Variants in UPF2 observed in about 807,000 individuals in gnomAD.
UPF2 encodes the protein UPF2 regulator of nonsense mediated mRNA decay.
Under a neutral mutation model 141.4 loss-of-function variants are expected in UPF2, and 17 were observed. The ratio of observed to expected loss-of-function variants is 0.12; its 90% CI spans 0.08 to 0.18. UPF2 has a LOEUF of 0.18. UPF2 is among the 10% of genes least tolerant of loss of function. The pLI is 1.00. For synonymous variants in UPF2, 540 were observed against 498.0 expected, an observed-to-expected ratio of 1.08 and a Z score of -1.12; for missense variants, 1,152 against 1,515.9, an observed-to-expected ratio of 0.76 and a Z score of 3.99.
rs553741079 is a variant in UPF2, at chr10:11,983,721, T to A, written c.1845-4556A>T. Among the ~76,000 whole-genome samples the A allele has an allele frequency of 4.0e-4, 61 of 152,096 alleles. No homozygotes were observed. The South Asian group carries it at 9.3e-3, about 23-fold the overall frequency. On this transcript the variant is annotated intron_variant, in intron 8 of 21. Coordinates refer to ENST00000357604, the MANE Select transcript of UPF2 (RefSeq NM_015542.4). The stretch of plus-strand genomic sequence containing the variant: ...ATGTATTAAATATGATTTGCTAGTG[T>A]TTTACTTGGAATTTTTTTATTGACA...
At chr10:11,972,530 C>G (rs1010402478) in intron 9 of UPF2, among the ~76,000 whole-genome samples, 2 of 152,302 alleles carry the variant, frequency 1.3e-5, no homozygotes, top group East Asian at 3.9e-4. Context: ...TATCCCTCCC[C>G]TCTCCCTCCA....
At chr10:11,927,947 C>G (rs1252974845) in intron 21 of UPF2, among the ~76,000 whole-genome samples, 1 of 152,094 alleles carries the variant, frequency 6.6e-6, no homozygotes, top group East Asian at 1.9e-4. Flanking sequence ...AGCCCCAGCA[C>G]ACTCCCCATC....
Position 11,935,769 on chromosome 10 carries a change from A to G in UPF2, c.3546+776T>C, listed in dbSNP as rs1441838861. 6.6e-6 allele frequency among the ~76,000 whole-genome samples: 1 copy of G among 152,222 alleles called. No individual in the cohort carries two copies. Among genetic ancestry groups the G allele is most frequent in the African/African-American group, 2.4e-5 (1 of 41,468 alleles). ...TCACTGTAGCCTCAGGACCTGAAAT[A>G]GAATAGTACCTGGCACGTAGTGATG... On this transcript the variant is annotated intron_variant, in intron 19 of 21. Transcript: ENST00000357604. The surrounding 1 kb of genome is among the most constrained non-coding windows in gnomAD (Gnocchi z 4.9).
intron 8 of UPF2, among the ~76,000 whole-genome samples, chr10:11,988,360 C>A (rs1030215232): frequency 6.6e-5 from 10 of 152,346 alleles, no homozygotes; most frequent in Admixed American, 5.2e-4. Context: ...GTCACCCAGG[C>A]TGGAGTGCAG....
At chr10:12,011,138 G>C (rs1834119728) in intron 4 of UPF2, among the ~76,000 whole-genome samples, 1 of 152,124 alleles carries the variant, frequency 6.6e-6, no homozygotes, top group African/African-American at 2.4e-5. Flanking sequence ...TGTGCCACAT[G>C]ACTGGCTAAA....
intron 9 of UPF2, among the ~76,000 whole-genome samples, chr10:11,977,661 AC>A (rs1833528670): frequency 6.6e-6 from 1 of 152,222 alleles, no homozygotes; most frequent in South Asian, 2.1e-4. Context: ...CCTTCTTTGT[AC>A]AATGGGATTA....
chr10:11,975,395 C>T (rs990639972), intron 9 of UPF2, among the ~76,000 whole-genome samples: 4 of 152,184 alleles, frequency 2.6e-5, no homozygotes, highest in Non-Finnish European at 4.4e-5. Flanking sequence ...CGTTAACATA[C>T]TGATATGTAA....
rs921631952 is a variant in UPF2, at chr10:11,998,751, G to A, written c.1759-994C>T. Among the ~76,000 whole-genome samples the A allele has an allele frequency of 3.9e-5, 6 of 152,130 alleles. No individual in the cohort carries two copies. Among genetic ancestry groups the A allele is most frequent in the Admixed American group, 3.9e-4 (6 of 15,274 alleles). On this transcript the variant is annotated intron_variant, in intron 7 of 21. Transcript: ENST00000357604. This position sits in a 1 kb window ranked among gnomAD's most constrained non-coding sequence, Gnocchi z 4.5. ...CACCTGTAGTCCCAGCTACTCGGGA[G>A]GCTGAGGCAGGAGAATGGCGTGAAC... is the stretch of plus-strand genomic sequence containing the variant.
At chr10:11,975,094 T>C (rs927746081) in intron 9 of UPF2, among the ~76,000 whole-genome samples, 1 of 152,184 alleles carries the variant, frequency 6.6e-6, no homozygotes, top group African/African-American at 2.4e-5. Flanking sequence ...TTGCTTATGT[T>C]AAATAAAAGT....
At position 11,989,114 on chromosome 10, in the gene UPF2, C is replaced by A. The variant is rs548106284; in HGVS notation, c.1844+8558G>T. Among the ~76,000 whole-genome samples the A allele has an allele frequency of 3.9e-4, 59 of 152,272 alleles. 1 individual carries two copies. Among genetic ancestry groups the A allele is most frequent in the African/African-American group, 1.3e-3 (56 of 41,554 alleles). ...ATACAGCCAACCAGGAAATGTCAACCTGGTCCAAGTCCCTCCCTATTACCT... is the reference window on the plus strand; with the variant it reads ...ATACAGCCAACCAGGAAATGTCAACATGGTCCAAGTCCCTCCCTATTACCT... On this transcript the variant is annotated intron_variant, in intron 8 of 21. Transcript: ENST00000357604.
At chr10:11,996,071 A>C (rs1833859613) in intron 8 of UPF2, among the ~76,000 whole-genome samples, 2 of 152,062 alleles carry the variant, frequency 1.3e-5, no homozygotes, top group Admixed American at 1.3e-4. Flanking sequence ...TTCCTCTCCA[A>C]AGTGTAAGCT....
chr10:11,961,675 G>A (rs575739490), intron 11 of UPF2, among the ~76,000 whole-genome samples: 3 of 152,234 alleles, frequency 2.0e-5, no homozygotes, highest in South Asian at 2.1e-4. Flanking sequence ...CAAGGAGGGC[G>A]GGGGCTGTAT....
At chr10:11,925,160 C>G (rs1832696043) in intron 21 of UPF2, among the ~76,000 whole-genome samples, 2 of 152,162 alleles carry the variant, frequency 1.3e-5, no homozygotes, top group Non-Finnish European at 2.9e-5. Flanking sequence ...ATCTGGTCCT[C>G]TAAAGGGTAA....
At chr10:12,022,413 AAAAAAAAAAAAG>A (rs1201904674) in intron 3 of UPF2, among the ~76,000 whole-genome samples, 3 of 110,956 alleles carry the variant, frequency 2.7e-5, no homozygotes, top group Non-Finnish European at 4.5e-5. Flanking sequence ...TCCGTCTCAA[AAAAAAAAAAAAG>A]AAAAAAATTA....
At chr10:12,024,480 T>C (rs1331700063) in intron 3 of UPF2, among the ~76,000 whole-genome samples, 2 of 151,810 alleles carry the variant, frequency 1.3e-5, no homozygotes, top group Admixed American at 6.6e-5. Flanking sequence ...TGTGGTGGCA[T>C]GTGCCTATAG....
chr10:12,007,381 T>G (rs898625929), intron 4 of UPF2, among the ~76,000 whole-genome samples: 6 of 152,172 alleles, frequency 3.9e-5, no homozygotes, highest in Non-Finnish European at 7.3e-5. Flanking sequence ...GCATAAATAT[T>G]TTGTGTATCT....
At chr10:11,950,909 A>G (rs1833065739) in intron 15 of UPF2, among the ~76,000 whole-genome samples, 1 of 152,240 alleles carries the variant, frequency 6.6e-6, no homozygotes, top group African/African-American at 2.4e-5. Flanking sequence ...CTTTACCATG[A>G]AAAGTGGTTC....
chr10:12,004,107 C>T (rs539851032), intron 5 of UPF2, among the ~76,000 whole-genome samples: 59 of 152,134 alleles, frequency 3.9e-4, no homozygotes, highest in East Asian at 1.4e-3. Flanking sequence ...ACTCTATTAA[C>T]GACCTAAAAG....
chr10:11,944,901 G>A (rs1229427821), intron 16 of UPF2, among the ~76,000 whole-genome samples: 1 of 152,210 alleles, frequency 6.6e-6, no homozygotes, highest in Non-Finnish European at 1.5e-5. Context: ...AAGGCAAACT[G>A]CCTGAGTTCA....
Sources: allele counts gnomAD v4.1 joint callset (sites outside exome capture counted in the v4.1 genomes callset), GRCh38; gene constraint gnomAD v4.1.1; non-coding constraint Gnocchi (gnomAD v3.1); transcripts MANE v1.5; gene names NCBI Gene and HGNC (gene_info 2026-07-23, HGNC 2026-07-21).